Variants in CMIP observed in about 807,000 individuals in gnomAD.
CMIP encodes c-Maf inducing protein, also known as C-Maf-inducing protein.
A neutral mutation model predicts 97.3 loss-of-function variants in CMIP; 13 were observed. The observed-to-expected ratio is 0.13, with a 90% CI of 0.09 to 0.21. CMIP has a LOEUF of 0.21. Ranked by LOEUF, CMIP falls within the 10% of genes least tolerant of loss-of-function variation. CMIP has a pLI of 1.00. For missense variants in CMIP, 847 were observed against 1,024.9 expected (o/e 0.83, Z 2.37); for synonymous variants, 538 against 436.3 (o/e 1.23, Z -2.91).
chr16:81,530,687 A>G (rs1235731123), intron 1 of CMIP, among the ~76,000 whole-genome samples: 1 of 151,704 alleles, frequency 6.6e-6, no homozygotes, highest in African/African-American at 2.4e-5. Flanking sequence ...CGTGGCTGCT[A>G]CCTCCGAGGC....
chr16:81,707,782 T>C (rs941204270), intron 20 of CMIP, among the ~76,000 whole-genome samples: 3 of 152,214 alleles, frequency 2.0e-5, no homozygotes, highest in Non-Finnish European at 2.9e-5. Context: ...CCTGGGCCTG[T>C]ACCAGCTGCC....
In CMIP at chr16:81,678,378, C is replaced by G; in HGVS notation, c.1138C>G (p.Leu380Val). The G allele has an allele frequency of 1.2e-6, 2 of 1,612,170 alleles. No homozygotes were observed. Among genetic ancestry groups the G allele is most frequent in the Non-Finnish European group, 1.7e-6 (2 of 1,179,220 alleles). ...GCGCCTTCTGCACCCCAGCCCGGACCTGGTGTCTCAGGAAGCCACGCTGTC... is the reference window on the plus strand; with the variant it reads ...GCGCCTTCTGCACCCCAGCCCGGACGTGGTGTCTCAGGAAGCCACGCTGTC... ...PLRLLHPSPD[L>V]VSQEATLSEA... Residue 380 changes from leucine to valine, a missense_variant, in exon 10 of 21, where the codon CTG becomes GTG. Leu to Val is a conservative substitution (Grantham distance 32, BLOSUM62 1). Transcript: ENST00000537098.
At chr16:81,549,062 C>T (rs966619971) in intron 1 of CMIP, among the ~76,000 whole-genome samples, 3 of 148,796 alleles carry the variant, frequency 2.0e-5, no homozygotes, top group Admixed American at 1.3e-4. Context: ...TATTTTACTG[C>T]AGGCTTAGGT....
chr16:81,670,294 C>T, intron 8 of CMIP, 49 bp downstream of exon 8: 11 of 1,551,844 alleles, frequency 7.1e-6, no homozygotes, highest in Non-Finnish European at 9.6e-6. Flanking sequence ...CCACTTTCCT[C>T]TCGGATCCTG....
At chr16:81,599,934 G>T (rs2091629392) in intron 1 of CMIP, among the ~76,000 whole-genome samples, 1 of 152,118 alleles carries the variant, frequency 6.6e-6, no homozygotes, top group Non-Finnish European at 1.5e-5. Context: ...TATGGGTGGG[G>T]TGTAGTGAGG....
chr16:81,486,795 C>T (rs549281404), intron 1 of CMIP, among the ~76,000 whole-genome samples: 14 of 152,384 alleles, frequency 9.2e-5, no homozygotes, highest in Admixed American at 5.2e-4. Context: ...TTTGGAAGCC[C>T]GGCCCCAACA....
At chr16:81,669,399 ACCT>A (rs562716924) in intron 7 of CMIP, among the ~76,000 whole-genome samples, 10 of 37,234 alleles carry the variant, frequency 2.7e-4, no homozygotes, top group African/African-American at 6.7e-4. Flanking sequence ...TCTCACACTC[ACCT>A]CCTTCCACAC....
intron 1 of CMIP, among the ~76,000 whole-genome samples, chr16:81,477,658 G>A (rs906563915): frequency 6.6e-6 from 1 of 152,240 alleles, no homozygotes; most frequent in African/African-American, 2.4e-5. Flanking sequence ...AAACACAGCA[G>A]AAGCTTGTTT....
At chr16:81,658,902 G>A (rs778161128) in intron 5 of CMIP, among the ~76,000 whole-genome samples, 8 of 152,252 alleles carry the variant, frequency 5.3e-5, no homozygotes, top group Non-Finnish European at 1.0e-4. Context: ...CACTCAGTCG[G>A]CCCTGGCAAG....
At chr16:81,449,680 CT>C (rs1335197428) in intron 1 of CMIP, among the ~76,000 whole-genome samples, 5 of 137,138 alleles carry the variant, frequency 3.6e-5, no homozygotes, top group South Asian at 2.3e-4. Flanking sequence ...CCCCCCCCCC[CT>C]TTCCATGCCA....
intron 18 of CMIP, among the ~76,000 whole-genome samples, chr16:81,705,231 C>G (rs1907996016): frequency 6.6e-6 from 1 of 152,216 alleles, no homozygotes; most frequent in Non-Finnish European, 1.5e-5. Flanking sequence ...GAGACAAGTT[C>G]AAAGCCCTCC....
intron 3 of CMIP, among the ~76,000 whole-genome samples, chr16:81,637,324 C>T (rs911845088): frequency 6.6e-5 from 10 of 152,162 alleles, no homozygotes; most frequent in Middle Eastern, 3.2e-3. Context: ...ACACCTGCCT[C>T]GGCCACCTGA....
intron 1 of CMIP, among the ~76,000 whole-genome samples, chr16:81,605,129 A>G (rs188386808): frequency 6.6e-6 from 1 of 152,330 alleles, no homozygotes. Flanking sequence ...TCAGGACAAG[A>G]CATACTGTTA....
At chr16:81,543,844 A>C (rs1284059855) in intron 1 of CMIP, among the ~76,000 whole-genome samples, 1 of 152,238 alleles carries the variant, frequency 6.6e-6, no homozygotes, top group Non-Finnish European at 1.5e-5. Flanking sequence ...TAGTCCAGCT[A>C]TGACCCCTGA....
chr16:81,458,296 G>A (rs560617766), intron 1 of CMIP, among the ~76,000 whole-genome samples: 178 of 152,288 alleles, frequency 1.2e-3, no homozygotes, highest in Middle Eastern at 3.4e-3. Context: ...CTATTAAAAA[G>A]CAAGGTTCTG....
At chr16:81,571,855 G>A (rs1258844183) in intron 1 of CMIP, among the ~76,000 whole-genome samples, 1 of 152,198 alleles carries the variant, frequency 6.6e-6, no homozygotes, top group Non-Finnish European at 1.5e-5. Context: ...ATAGCCTCTT[G>A]CACTAACAAG....
At chr16:81,533,455 CATT>C (rs1352677468) in intron 1 of CMIP, among the ~76,000 whole-genome samples, 5 of 152,292 alleles carry the variant, frequency 3.3e-5, no homozygotes, top group Admixed American at 1.3e-4. Context: ...ATATTATTGT[CATT>C]ATGTGCTTTA....
chr16:81,648,072 C>T lies in CMIP; in HGVS notation c.478-4131C>T, dbSNP rs1301384165. Among the ~76,000 whole-genome samples, 4 of 149,282 alleles carry T rather than the reference C, an allele frequency of 2.7e-5. No homozygotes were observed. In the East Asian group the frequency reaches 7.9e-4, roughly 30 times the overall value. The stretch of plus-strand genomic sequence containing the variant: ...GCTGCTTCCACCGCCTTCTGGTTAC[C>T]TGGCCTCCACTCTCAGAGCCTTGTG... On this transcript the variant is annotated intron_variant, in intron 3 of 20. Transcript: ENST00000537098.
rs746842949 is a variant in CMIP at position 81,678,450 on chromosome 16, G to C, written c.1210G>C (p.Val404Leu). 6.3e-7 allele frequency: 1 copy of C among 1,590,700 alleles called. No homozygotes were observed. The highest frequency in any genetic ancestry group is 8.6e-7 in the Non-Finnish European group (1 of 1,169,502). Residue 404 changes from valine to leucine, a missense_variant, in exon 10 of 21, where the codon GTG becomes CTG. Transcript: ENST00000537098. ...GGTCGTGGCCTCCAGTGAGATCCAC[G>C]TGGAGGTGGAACGCACCAGCACTGC... ...SVVVASSEIH[V>L]EVERTSTAKP...
Sources: allele counts gnomAD v4.1 joint callset (sites outside exome capture counted in the v4.1 genomes callset), GRCh38; gene constraint gnomAD v4.1.1; transcripts MANE v1.5; gene names NCBI Gene and HGNC (gene_info 2026-07-23, HGNC 2026-07-21).